WWOX: variants seen among roughly 807,000 people sequenced by gnomAD.
WWOX encodes the protein WW domain containing oxidoreductase.
A neutral mutation model predicts 46.2 loss-of-function variants in WWOX; 69 were observed. The ratio of observed to expected loss-of-function variants is 1.49; its 90% confidence interval spans 1.23 to 1.82. WWOX has a LOEUF of 1.82. Among genes scored for constraint, WWOX ranks in the 40% most tolerant of loss-of-function variants. WWOX has a pLI of 0.00. For missense variants in WWOX, 919 were observed against 542.6 expected, an observed-to-expected ratio of 1.69 and a Z score of -6.89; for synonymous variants, 359 against 202.6, an observed-to-expected ratio of 1.77 and a Z score of -6.56.
At chr16:78,126,955 C>T (rs532780490) in intron 4 of WWOX, among the ~76,000 whole-genome samples, 2 of 152,302 alleles carry the variant, frequency 1.3e-5, no homozygotes, top group East Asian at 3.9e-4. Context: ...ATTTGATGAG[C>T]CTGCTTTCAG....
intron 6 of WWOX, among the ~76,000 whole-genome samples, chr16:78,395,330 G>C (rs2082261071): frequency 6.6e-6 from 1 of 152,050 alleles, no homozygotes; most frequent in Non-Finnish European, 1.5e-5. Flanking sequence ...ACCAGCCTCG[G>C]TAATTTGGCA....
intron 6 of WWOX, among the ~76,000 whole-genome samples, chr16:78,415,911 A>G (rs143123545): frequency 6.6e-6 from 1 of 152,198 alleles, no homozygotes; most frequent in African/African-American, 2.4e-5. Flanking sequence ...TGGTTTGTAA[A>G]TAGCATCCCC....
At chr16:78,784,354 C>T (rs1044369751) in intron 8 of WWOX, among the ~76,000 whole-genome samples, 1 of 152,066 alleles carries the variant, frequency 6.6e-6, no homozygotes, top group Non-Finnish European at 1.5e-5. Flanking sequence ...CCTCAGTCTC[C>T]TCATTGTATC....
intron 8 of WWOX, among the ~76,000 whole-genome samples, chr16:79,081,875 C>G (rs1407930795): frequency 6.6e-6 from 1 of 152,130 alleles, no homozygotes; most frequent in Non-Finnish European, 1.5e-5. Context: ...ACCCCTTTTT[C>G]TATCCTAGTT....
At chr16:78,370,435 A>T (rs989624963) in intron 5 of WWOX, among the ~76,000 whole-genome samples, 1 of 152,166 alleles carries the variant, frequency 6.6e-6, no homozygotes, top group Non-Finnish European at 1.5e-5. Flanking sequence ...TACCGTTTAC[A>T]TTGGGAAAGG....
At chr16:79,017,314 C>T (rs148462454) in intron 8 of WWOX, 15,093 of 151,428 alleles carry the variant, frequency 0.1, 897 homozygotes, top group South Asian at 0.23. Context: ...CCTGTAGTCC[C>T]AGCTACTCGG....
intron 8 of WWOX, among the ~76,000 whole-genome samples, chr16:79,034,116 T>C (rs998241344): frequency 1.3e-5 from 2 of 152,232 alleles, no homozygotes; most frequent in African/African-American, 2.4e-5. Context: ...GGGATGCCTT[T>C]TATTATGCAC....
rs1253068046 is a variant in WWOX, at chr16:78,531,485, T to C, written c.1056+98733T>C. Reference sequence around the variant, plus strand: ...TTATGTCATACCAAAAATTATCTTTTGTATTTTGCTACCAGTTCTTTTAGT... The same window carrying C: ...TTATGTCATACCAAAAATTATCTTTCGTATTTTGCTACCAGTTCTTTTAGT... On this transcript the variant is annotated intron_variant, in intron 8 of 8. Coordinates refer to ENST00000566780, the MANE Select transcript of WWOX (RefSeq NM_016373.4). Among the ~76,000 whole-genome samples, 2 of 152,174 alleles carry C rather than the reference T, an allele frequency of 1.3e-5. 1 individual carries two copies. Among genetic ancestry groups the C allele is most frequent in the Non-Finnish European group, 2.9e-5 (2 of 68,038 alleles).
At chr16:78,414,152 A>G (rs2082745430) in intron 6 of WWOX, among the ~76,000 whole-genome samples, 1 of 151,502 alleles carries the variant, frequency 6.6e-6, no homozygotes, top group South Asian at 2.1e-4. Context: ...CCTGCCTGCA[A>G]GACAAAACCC....
chr16:78,459,452 G>A (rs899708039), intron 8 of WWOX, among the ~76,000 whole-genome samples: 8 of 152,106 alleles, frequency 5.3e-5, no homozygotes, highest in Non-Finnish European at 1.0e-4. Flanking sequence ...TCTTGTATCC[G>A]TTTTCTTCCT....
intron 8 of WWOX, among the ~76,000 whole-genome samples, chr16:78,465,374 CTTG>C (rs947910769): frequency 4.6e-5 from 7 of 152,152 alleles, no homozygotes; most frequent in African/African-American, 1.2e-4. Flanking sequence ...GAGATGGGGT[CTTG>C]TTGTGTTGCC....
At chr16:78,761,688 T>A (rs2049798293) in intron 8 of WWOX, among the ~76,000 whole-genome samples, 1 of 152,194 alleles carries the variant, frequency 6.6e-6, no homozygotes, top group Non-Finnish European at 1.5e-5. Flanking sequence ...ACTTAATACC[T>A]CCTTGGCTTT....
chr16:78,742,333 G>A (rs527288120), intron 8 of WWOX, among the ~76,000 whole-genome samples: 2 of 152,176 alleles, frequency 1.3e-5, no homozygotes, highest in Admixed American at 6.5e-5. Context: ...GTGTCCTCTG[G>A]TGAAGGGCAG....
chr16:78,594,562 T>C (rs1026443081), intron 8 of WWOX, among the ~76,000 whole-genome samples: 5 of 151,040 alleles, frequency 3.3e-5, no homozygotes, highest in Non-Finnish European at 7.4e-5. Flanking sequence ...CTCAAACTCA[T>C]AGTTTTCAGG....
intron 8 of WWOX, among the ~76,000 whole-genome samples, chr16:78,902,395 C>T (rs779260128): frequency 6.6e-6 from 1 of 152,204 alleles, no homozygotes. Flanking sequence ...GACAAGGGGA[C>T]GGTGACTTTT....
At chr16:79,100,141 A>G (rs974752076) in intron 8 of WWOX, among the ~76,000 whole-genome samples, 2 of 152,216 alleles carry the variant, frequency 1.3e-5, no homozygotes, top group Admixed American at 6.5e-5. Context: ...ATACTGTCCC[A>G]GCAACACCTT....
chr16:78,924,223 C>T (rs1260695219), intron 8 of WWOX, among the ~76,000 whole-genome samples: 1 of 152,094 alleles, frequency 6.6e-6, no homozygotes, highest in Non-Finnish European at 1.5e-5. Context: ...GGTCTTGAAG[C>T]TGTGAATTCA....
chr16:78,964,542 A>G (rs551550138), intron 8 of WWOX, among the ~76,000 whole-genome samples: 9 of 152,358 alleles, frequency 5.9e-5, no homozygotes, highest in African/African-American at 2.2e-4. Flanking sequence ...TGTTAAAGGC[A>G]TTCAGTTTTA....
At chr16:78,583,882 A>G (rs1295222008) in intron 8 of WWOX, among the ~76,000 whole-genome samples, 2 of 152,226 alleles carry the variant, frequency 1.3e-5, no homozygotes, top group African/African-American at 4.8e-5. Context: ...TTAGTGTTGC[A>G]TACCTGTTTG....
Sources: gnomAD v4.1 joint callset for allele counts (sites outside exome capture counted in the v4.1 genomes callset) on GRCh38, gnomAD v4.1.1 for gene constraint, MANE v1.5 for transcripts, NCBI Gene and HGNC (gene_info 2026-07-23, HGNC 2026-07-21) for gene names.